Variants in PTPN4 observed in about 807,000 individuals in gnomAD.
PTPN4 encodes tyrosine-protein phosphatase non-receptor type 4.
Under a neutral mutation model 135.5 loss-of-function variants are expected in PTPN4, and 49 were observed. That is an observed-to-expected ratio of 0.36 (90% CI 0.29 to 0.46). The LOEUF is 0.46. Ranked by LOEUF, PTPN4 falls within the 20% of genes least tolerant of loss-of-function variation. The pLI is 1.00. For synonymous variants in PTPN4, 333 were observed against 369.9 expected, an observed-to-expected ratio of 0.90 and a Z score of 1.14; for missense variants, 860 against 1,101.0, an observed-to-expected ratio of 0.78 and a Z score of 3.10.
chr2:119,922,279 G>A (rs934768283), intron 12 of PTPN4, among the ~76,000 whole-genome samples: 1 of 151,520 alleles, frequency 6.6e-6, no homozygotes, highest in East Asian at 1.9e-4. Context: ...CATTCAGAAG[G>A]CTGTTACTGC....
At position 119,814,516 on chromosome 2, in the gene PTPN4, G is replaced by A. The variant is rs1269314346; in HGVS notation, c.138+4525G>A. On this transcript the variant is annotated intron_variant, in intron 2 of 26. Transcript: ENST00000263708. ...GCCTTCTCTTTTTGAAAGATAATTT[G>A]TACCCCTATTTCTAGAGTTTGTGGG... Among the ~76,000 whole-genome samples the A allele has an allele frequency of 2.6e-5, 4 of 152,104 alleles. No individual in the cohort carries two copies. In the East Asian group the frequency reaches 7.7e-4, roughly 29 times the overall value.
At chr2:119,868,041 A>G (rs960134310) in intron 3 of PTPN4, among the ~76,000 whole-genome samples, 6 of 152,178 alleles carry the variant, frequency 3.9e-5, no homozygotes, top group Non-Finnish European at 7.4e-5. Flanking sequence ...TTCCCCATCA[A>G]GTATACTGTT....
intron 1 of PTPN4, among the ~76,000 whole-genome samples, chr2:119,767,271 T>G (rs1574322430): frequency 1.3e-5 from 2 of 152,224 alleles, no homozygotes; most frequent in African/African-American, 4.8e-5. Flanking sequence ...TCATCTCTCA[T>G]TTCTGGTCCT....
At chr2:119,911,428 A>G (rs778456932) in intron 10 of PTPN4, among the ~76,000 whole-genome samples, 3 of 152,174 alleles carry the variant, frequency 2.0e-5, no homozygotes, top group Non-Finnish European at 4.4e-5. Context: ...GATGCAGAAA[A>G]AGAATTTGAC....
chr2:119,838,460 T>C (rs995945569), intron 2 of PTPN4, among the ~76,000 whole-genome samples: 1 of 152,230 alleles, frequency 6.6e-6, no homozygotes, highest in Non-Finnish European at 1.5e-5. Context: ...CCAAAGTATT[T>C]TCCCCTGCTG....
intron 9 of PTPN4, among the ~76,000 whole-genome samples, chr2:119,891,315 TTTTGTTTG>T (rs750013304): frequency 1.3e-5 from 2 of 152,124 alleles, no homozygotes; most frequent in African/African-American, 2.4e-5. Flanking sequence ...AGTTTCAGTT[TTTTGTTTG>T]TTTGTTTGTT....
intron 1 of PTPN4, among the ~76,000 whole-genome samples, chr2:119,782,028 C>T (rs1221860839): frequency 2.0e-5 from 3 of 152,032 alleles, no homozygotes; most frequent in Admixed American, 6.6e-5. Context: ...TGGCAGTGAT[C>T]GAATTTTAGA....
rs534167379 is a variant in PTPN4 at position 119,815,169 on chromosome 2, G to A, written c.138+5178G>A. On this transcript the variant is annotated intron_variant, in intron 2 of 26. Transcript: ENST00000263708. The stretch of plus-strand genomic sequence containing the variant: ...AAAGATTCTTGGGCAGTTATTCAAT[G>A]ATGATTTTATACATCTTTATTTTGA... Among the ~76,000 whole-genome samples, 3 of 152,240 alleles carry A rather than the reference G, an allele frequency of 2.0e-5. No homozygotes were observed. The South Asian group carries it at 6.2e-4, about 32-fold the overall frequency.
At chr2:119,841,690 AC>A (rs1297905221) in intron 2 of PTPN4, among the ~76,000 whole-genome samples, 2 of 152,124 alleles carry the variant, frequency 1.3e-5, no homozygotes, top group East Asian at 3.8e-4. Flanking sequence ...TGTTCTCTCT[AC>A]CAGTTTATGA....
intron 26 of PTPN4, among the ~76,000 whole-genome samples, chr2:119,976,250 G>A (rs926735601): frequency 9.2e-5 from 14 of 152,028 alleles, no homozygotes; most frequent in African/African-American, 3.1e-4. Flanking sequence ...ACCCACCTTG[G>A]CCTCCCAAAG....
intron 22 of PTPN4, 45 bp downstream of exon 22, chr2:119,957,122 G>A (rs772056257): frequency 4.6e-6 from 7 of 1,529,180 alleles, no homozygotes; most frequent in Non-Finnish European, 6.2e-6. Context: ...AAAAATACGA[G>A]CCACTATGAA....
At chr2:119,973,655 G>GTTTTTGTTT (rs1679569038) in intron 26 of PTPN4, among the ~76,000 whole-genome samples, 1 of 38,394 alleles carries the variant, frequency 2.6e-5, no homozygotes, top group African/African-American at 1.3e-4. Flanking sequence ...TTCATTTCTT[G>GTTTTTGTTT]TTTTTTTTTT....
At chr2:119,969,707 C>T (rs540930129) in intron 26 of PTPN4, among the ~76,000 whole-genome samples, 156 of 151,914 alleles carry the variant, frequency 1.0e-3, no homozygotes, top group African/African-American at 3.3e-3. Context: ...TACAGGCACC[C>T]GCCACCATGC....
At chr2:119,781,791 A>G (rs912910498) in intron 1 of PTPN4, among the ~76,000 whole-genome samples, 3 of 152,264 alleles carry the variant, frequency 2.0e-5, no homozygotes, top group South Asian at 4.1e-4. Context: ...GGCTGCTTTC[A>G]TGCTACATAG....
rs1558753665 is a variant in PTPN4 at position 119,881,791 on chromosome 2, A to T, written c.374A>T (p.Gln125Leu). 1 of 1,558,740 alleles carries T rather than the reference A, an allele frequency of 6.4e-7. No individual in the cohort carries two copies. Among genetic ancestry groups the T allele is most frequent in the South Asian group, 1.2e-5 (1 of 85,066 alleles). The change falls in exon 6 of 27, where the codon CAG becomes CTG. Residue 125 changes from glutamine to leucine, a missense_variant. Around this residue, in one of 2 missense-constraint regions of PTPN4, gnomAD observed 684 missense variants for 807.0 expected, o/e 0.85. Transcript: ENST00000263708. ...TTTGTTTGTTTGTTTTTAAGGTACC[A>T]GTATTTTTTGCAAATTAAACAAGAC... ...NKLQEEYTRY[Q>L]YFLQIKQDIL...
chr2:119,857,574 T>G (rs1179486543), intron 2 of PTPN4, among the ~76,000 whole-genome samples: 1 of 142,888 alleles, frequency 7.0e-6, no homozygotes, highest in Non-Finnish European at 1.5e-5. Flanking sequence ...CTGCCTTTAC[T>G]AAAAGAAAAA....
At chr2:119,834,734 C>A (rs544622645) in intron 2 of PTPN4, among the ~76,000 whole-genome samples, 1 of 152,142 alleles carries the variant, frequency 6.6e-6, no homozygotes, top group African/African-American at 2.4e-5. Context: ...CCACTCATGA[C>A]CTGAATGATC....
intron 9 of PTPN4, among the ~76,000 whole-genome samples, chr2:119,891,468 G>A (rs1432885787): frequency 6.6e-6 from 1 of 151,930 alleles, no homozygotes; most frequent in Non-Finnish European, 1.5e-5. Context: ...GATTACTGGC[G>A]CACGCCACCA....
chr2:119,896,949 C>T (rs1305802056), intron 9 of PTPN4, among the ~76,000 whole-genome samples: 3 of 152,130 alleles, frequency 2.0e-5, no homozygotes, highest in Non-Finnish European at 2.9e-5. Flanking sequence ...GAAACAGGGT[C>T]TCACTCTGTC....
Sources: gnomAD v4.1 joint callset for allele counts (sites outside exome capture counted in the v4.1 genomes callset) on GRCh38, gnomAD v4.1.1 for gene constraint, gnomAD v4.1.1 regional missense constraint, MANE v1.5 for transcripts, NCBI Gene and HGNC (gene_info 2026-07-23, HGNC 2026-07-21) for gene names.